The following TCERG1 variants were observed in gnomAD, a reference collection of about 807,000 sequenced individuals.
TCERG1 encodes TATA box binding protein (TBP)-associated factor, RNA polymerase II, S, 150kD.
Under a neutral mutation model 144.7 loss-of-function variants are expected in TCERG1, and 37 were observed. That is an observed-to-expected ratio of 0.26 (90% CI 0.20 to 0.34). TCERG1 has a LOEUF of 0.34. TCERG1 is among the 10% of genes least tolerant of loss of function. The pLI, the probability that TCERG1 is intolerant of heterozygous loss-of-function variation, is 1.00. For synonymous variants in TCERG1, 492 were observed against 458.2 expected (o/e 1.07, Z -0.94); for missense variants, 1,027 against 1,380.7 (o/e 0.74, Z 4.06).
chr5:146,471,499 AGAG>A lies in TCERG1; in HGVS notation c.1528_1530del (p.Glu510del). ...ATCATTTCTTGTAGGAGCCCAAAGA[AGAG>A]GAGATGACTGAAGAAGAAAAGGCTG... On this transcript the variant is annotated inframe_deletion, in exon 9 of 23. Coordinates refer to ENST00000679501, the MANE Select transcript of TCERG1 (RefSeq NM_001382548.1). The A allele has an allele frequency of 2.5e-6, 4 of 1,613,210 alleles. No individual in the cohort carries two copies. The highest frequency in any genetic ancestry group is 2.2e-5 in the East Asian group (1 of 44,884).
intron 16 of TCERG1, among the ~76,000 whole-genome samples, chr5:146,494,135 A>G (rs183809121): frequency 9.1e-4 from 139 of 152,206 alleles, no homozygotes; most frequent in African/African-American, 3.2e-3. Context: ...TTTCTGAGTC[A>G]AAAGAGTGAG....
Position 146,457,267 on chromosome 5 carries a change from G to A in TCERG1, c.370G>A (p.Ala124Thr), listed in dbSNP as rs373828147. 4 of 1,614,086 alleles carry A rather than the reference G, an allele frequency of 2.5e-6. No individual in the cohort carries two copies. The highest frequency in any genetic ancestry group is 3.4e-6 in the Non-Finnish European group (4 of 1,179,950). Residue 124 changes from alanine to threonine, a missense_variant, in exon 3 of 23, where the codon GCT becomes ACT. By Grantham distance (58) the Ala-to-Thr change is moderately conservative (BLOSUM62 0). This residue lies in a region of TCERG1 where 175 missense variants were observed against 197.0 expected (regional missense o/e 0.89). Coordinates refer to ENST00000679501, the MANE Select transcript of TCERG1 (RefSeq NM_001382548.1). Reference sequence around the variant, plus strand: ...TCCACCAGGAATGCCTCCTGTGACTGCTCCTGGTACTCCAGCACTACCTCC... The same window carrying A: ...TCCACCAGGAATGCCTCCTGTGACTACTCCTGGTACTCCAGCACTACCTCC... ...MFPPGMPPVTAPGTPALPPTE... is the reference protein window; with the variant it reads ...MFPPGMPPVTTPGTPALPPTE...
At position 146,478,500 on chromosome 5, in the gene TCERG1, G is replaced by A; in HGVS notation, c.1609G>A (p.Val537Ile). The change falls in exon 10 of 23, where the codon GTT becomes ATT. Residue 537 changes from valine to isoleucine, a missense_variant. By Grantham distance (29) the Val-to-Ile change is conservative. Around this residue, in one of 6 missense-constraint regions of TCERG1, gnomAD observed 482 missense variants for 632.6 expected, o/e 0.76. Coordinates refer to ENST00000679501, the MANE Select transcript of TCERG1 (RefSeq NM_001382548.1). ...TTTTGCATCAATTCTTAGGTGTGTCGTTTGGACTGGTGATGAGCGGGTCTT... is the reference window on the plus strand; with the variant it reads ...TTTTGCATCAATTCTTAGGTGTGTCATTTGGACTGGTGATGAGCGGGTCTT... ...APIPGTPWCV[V>I]WTGDERVFFY... The A allele has an allele frequency of 1.3e-6, 2 of 1,589,698 alleles. No individual in the cohort carries two copies. Among genetic ancestry groups the A allele is most frequent in the Non-Finnish European group, 1.7e-6 (2 of 1,173,314 alleles).
At chr5:146,450,172 T>C (rs1225532860) in intron 1 of TCERG1, among the ~76,000 whole-genome samples, 1 of 152,190 alleles carries the variant, frequency 6.6e-6, no homozygotes, top group Non-Finnish European at 1.5e-5. Flanking sequence ...AAATGGGAGA[T>C]TTCTTCATAG....
At chr5:146,452,607 T>C (rs1762453023) in intron 1 of TCERG1, among the ~76,000 whole-genome samples, 1 of 152,178 alleles carries the variant, frequency 6.6e-6, no homozygotes, top group African/African-American at 2.4e-5. Context: ...TATTTATTAT[T>C]GAGACAGAGT....
chr5:146,481,861 C>T (rs891731093), intron 13 of TCERG1: 24 of 152,010 alleles, frequency 1.6e-4, no homozygotes, highest in Admixed American at 3.9e-4. Flanking sequence ...ACAGGGTTGC[C>T]CTTACACCTG....
rs757138100 is a variant in TCERG1, at chr5:146,470,703, G to A, written c.1467G>A (p.Thr489=). The part of the protein sequence containing the change: ...EPSEEPLPME[T]EEEDPKEEPI... Reference sequence around the variant, plus strand: ...CTGAAGAGCCTCTGCCAATGGAGACGGAGGAGGAGGATCCTAAAGAAGAGC... The same window carrying A: ...CTGAAGAGCCTCTGCCAATGGAGACAGAGGAGGAGGATCCTAAAGAAGAGC... Residue 489 remains threonine (T), a synonymous_variant, in exon 8 of 23, where the codon ACG becomes ACA. Transcript: ENST00000679501. 4.3e-6 allele frequency: 7 copies of A among 1,613,520 alleles called. No homozygotes were observed. Among genetic ancestry groups the A allele is most frequent in the African/African-American group, 2.7e-5 (2 of 74,974 alleles).
At chr5:146,483,359 A>G (rs1317338589) in intron 14 of TCERG1, among the ~76,000 whole-genome samples, 181 bp from the exon 15 acceptor site, 1 of 152,144 alleles carries the variant, frequency 6.6e-6, no homozygotes, top group Non-Finnish European at 1.5e-5. Context: ...GTTCAGAGCC[A>G]ATTAGTGTGG....
chr5:146,459,231 G>A lies in TCERG1; in HGVS notation c.786G>A (p.Thr262=), dbSNP rs1763132367. The A allele has an allele frequency of 3.7e-6, 6 of 1,614,240 alleles. No individual in the cohort carries two copies. The highest frequency in any genetic ancestry group is 4.5e-5 in the East Asian group (2 of 44,886). Residue 262 remains threonine (T), a synonymous_variant, in exon 4 of 23, where the codon ACG becomes ACA. Coordinates refer to ENST00000679501, the MANE Select transcript of TCERG1 (RefSeq NM_001382548.1). The part of the protein sequence containing the change: ...QAQAVGASTP[T]TSSPAPAVST... ...AAGCAGTTGGAGCTTCCACCCCTAC[G>A]ACCAGTAGCCCAGCACCTGCAGTAT... is the stretch of plus-strand genomic sequence containing the variant.
rs765668653 is a variant in TCERG1 at position 146,503,406 on chromosome 5, A to G, written c.2465A>G (p.Asn822Ser). 14 of 1,613,566 alleles carry G rather than the reference A, an allele frequency of 8.7e-6. No individual in the cohort carries two copies. The South Asian group carries it at 1.5e-4, about 18-fold the overall frequency. ...TCGGATTTCTTTGAACTATTATCTA[A>G]TCATCACTTGGACAGTCAGTCTCGA... is the stretch of plus-strand genomic sequence containing the variant. ...IKSDFFELLSNHHLDSQSRWS... is the reference protein window; with the variant it reads ...IKSDFFELLSSHHLDSQSRWS... The change falls in exon 18 of 23, where the codon AAT (asparagine) becomes AGT (serine). Residue 822 changes from asparagine to serine, a missense_variant. By Grantham distance (46) the Asn-to-Ser change is conservative. Around this residue, in one of 6 missense-constraint regions of TCERG1, gnomAD observed 482 missense variants for 632.6 expected, o/e 0.76. Coordinates refer to ENST00000679501, the MANE Select transcript of TCERG1 (RefSeq NM_001382548.1).
chr5:146,469,170 A>G (rs578001062), intron 6 of TCERG1, among the ~76,000 whole-genome samples: 5 of 152,282 alleles, frequency 3.3e-5, no homozygotes, highest in African/African-American at 9.6e-5. Context: ...TATGTGTAGT[A>G]AATATGTTTG....
chr5:146,455,762 T>A (rs905882746), intron 2 of TCERG1, among the ~76,000 whole-genome samples: 35 of 152,058 alleles, frequency 2.3e-4, no homozygotes, highest in Non-Finnish European at 8.8e-5. Context: ...CATAGTTGAA[T>A]TTTTTTTCTC....
At chr5:146,459,612 G>C (rs111308247) in intron 4 of TCERG1, among the ~76,000 whole-genome samples, 1 of 152,208 alleles carries the variant, frequency 6.6e-6, no homozygotes, top group African/African-American at 2.4e-5. Context: ...GGCATTGTGG[G>C]TTTGCAAAAT....
Position 146,463,719 on chromosome 5 carries a change from C to G in TCERG1, c.1061C>G (p.Ala354Gly). The change falls in exon 5 of 23, where the codon GCA becomes GGA. Residue 354 changes from alanine to glycine, a missense_variant. By Grantham distance (60) the Ala-to-Gly change is moderately conservative (BLOSUM62 0). Transcript: ENST00000679501. ...VPHSVPQPTT[A>G]IPAFPPVMVP... The stretch of plus-strand genomic sequence containing the variant: ...CATTCAGTACCTCAGCCAACAACAG[C>G]AATACCTGCTTTTCCACCAGTAATG... The G allele has an allele frequency of 6.2e-7, 1 of 1,614,214 alleles. No homozygotes were observed. The highest frequency in any genetic ancestry group is 1.1e-5 in the South Asian group (1 of 91,084).
chr5:146,460,870 C>T (rs564360615), intron 4 of TCERG1, among the ~76,000 whole-genome samples: 1 of 152,204 alleles, frequency 6.6e-6, no homozygotes, highest in Non-Finnish European at 1.5e-5. Context: ...AGGGTTGTTA[C>T]CTTTTTATAG....
At chr5:146,493,260 C>T (rs1766595368) in intron 16 of TCERG1, among the ~76,000 whole-genome samples, 1 of 151,968 alleles carries the variant, frequency 6.6e-6, no homozygotes, top group Non-Finnish European at 1.5e-5. Context: ...AAGTGCTTCC[C>T]TATGGGAATA....
intron 14 of TCERG1, 115 bp from the exon 15 acceptor site, chr5:146,483,425 A>G: frequency 1.2e-6 from 1 of 849,072 alleles, no homozygotes; most frequent in Admixed American, 3.1e-5. Context: ...TGGAAACTTC[A>G]GTATGGTTTT....
At chr5:146,478,777 T>C (rs1765077171) in intron 10 of TCERG1, 124 bp downstream of exon 10, 11 of 905,662 alleles carry the variant, frequency 1.2e-5, no homozygotes, top group South Asian at 2.1e-5. Flanking sequence ...TCGAAAAAAA[T>C]AGACTGCTAT....
At chr5:146,500,595 A>T (rs1327799702) in intron 17 of TCERG1, among the ~76,000 whole-genome samples, 4 of 152,240 alleles carry the variant, frequency 2.6e-5, no homozygotes, top group South Asian at 2.1e-4. Context: ...CCTGTGAAGA[A>T]CATTGACTTC....
Sources: gnomAD v4.1 joint callset for allele counts (sites outside exome capture counted in the v4.1 genomes callset) on GRCh38, gnomAD v4.1.1 for gene constraint, gnomAD v4.1.1 regional missense constraint, MANE v1.5 for transcripts, NCBI Gene and HGNC (gene_info 2026-07-23, HGNC 2026-07-21) for gene names.